Variants in ATP6V1D observed in about 807,000 individuals in gnomAD.
ATP6V1D encodes the protein ATPase H+ transporting V1 subunit D.
ATP6V1D carries 20 observed loss-of-function variants against 39.4 expected under a neutral mutation model. The observed-to-expected ratio is 0.51, with a 90% CI of 0.36 to 0.74. The LOEUF is 0.74. Among genes scored for constraint, ATP6V1D ranks in the 30% least tolerant of loss-of-function variants. The pLI is 0.00. For synonymous variants in ATP6V1D, 100 were observed against 100.5 expected, an observed-to-expected ratio of 0.99 and a Z score of 0.03; for missense variants, 228 against 291.6, an observed-to-expected ratio of 0.78 and a Z score of 1.59.
chr14:67,358,925 T>C (rs1175440447), intron 1 of ATP6V1D, among the ~76,000 whole-genome samples: 1 of 152,110 alleles, frequency 6.6e-6, no homozygotes, highest in South Asian at 2.1e-4. Context: ...TTTGTGGACC[T>C]TCTATGGATT....
intron 7 of ATP6V1D, among the ~76,000 whole-genome samples, chr14:67,341,344 G>A (rs1207127662): frequency 6.6e-6 from 1 of 151,530 alleles, no homozygotes. Flanking sequence ...GAAGTGAGGA[G>A]ACCCTCCACC....
chr14:67,338,388 A>T lies in ATP6V1D; in HGVS notation c.*233T>A, dbSNP rs562469337. On this transcript the variant is annotated 3_prime_UTR_variant, in exon 9 of 9. Transcript: ENST00000216442. ...AAATGGAGTATGATAACGCTTCTGC[A>T]AAGTAAATTCTGTAAGTTCCTGGGC... 914 of 463,008 alleles carry T rather than the reference A, an allele frequency of 2.0e-3. 6 individuals are homozygous for T. Among genetic ancestry groups the T allele is most frequent in the Middle Eastern group, 1.1e-3 (2 of 1,762 alleles). The allele number at this position is 463,008 out of a possible 1,614,324, so 28.7% of individuals were successfully genotyped here.
chr14:67,343,278 T>G, intron 7 of ATP6V1D, 94 bp downstream of exon 7: 1 of 891,408 alleles, frequency 1.1e-6, no homozygotes, highest in Non-Finnish European at 1.7e-6. Context: ...TATTCATCTT[T>G]CAGTCTTCAG....
intron 1 of ATP6V1D, among the ~76,000 whole-genome samples, chr14:67,358,859 A>C (rs1262057652): frequency 6.6e-6 from 1 of 152,238 alleles, no homozygotes; most frequent in African/African-American, 2.4e-5. Context: ...CCCCAAAAGA[A>C]AGGCAGCCCA....
rs757025098 is a variant in ATP6V1D, at chr14:67,345,746, C to T, written c.456+22G>A. 4 of 1,539,930 alleles carry T rather than the reference C, an allele frequency of 2.6e-6. No homozygotes were observed. In the East Asian group the frequency reaches 9.0e-5, roughly 35 times the overall value. ...TGTTACAAATCAAACTACAGGAGTT[C>T]TCCAGGTCTTTTGCTACTTACCTGC... is the stretch of plus-strand genomic sequence containing the variant. On this transcript the variant is annotated intron_variant, in intron 6 of 8. Coordinates refer to ENST00000216442, the MANE Select transcript of ATP6V1D (RefSeq NM_015994.4).
chr14:67,353,373 G>A (rs2085667722), intron 1 of ATP6V1D, among the ~76,000 whole-genome samples: 5 of 152,154 alleles, frequency 3.3e-5, no homozygotes, highest in Admixed American at 3.3e-4. Flanking sequence ...TTTTAAATGT[G>A]AGTTCATCTG....
intron 2 of ATP6V1D, 114 bp downstream of exon 2, chr14:67,352,809 T>C: frequency 1.4e-6 from 1 of 704,624 alleles, no homozygotes. Flanking sequence ...ATAATGGTAT[T>C]TTTACTTTTG....
At chr14:67,344,473 T>G (rs945196890) in intron 6 of ATP6V1D, among the ~76,000 whole-genome samples, 2 of 152,160 alleles carry the variant, frequency 1.3e-5, no homozygotes, top group Non-Finnish European at 2.9e-5. Context: ...ATTAATAACC[T>G]AGATATATAC....
chr14:67,347,571 G>C (rs555821502), intron 4 of ATP6V1D, 118 bp from the exon 5 acceptor site: 2 of 803,630 alleles, frequency 2.5e-6, no homozygotes, highest in African/African-American at 3.7e-5. Flanking sequence ...GCGTGATCTC[G>C]CCTCACCGCA....
At chr14:67,352,871 C>A in intron 2 of ATP6V1D, 52 bp downstream of exon 2, 4 of 1,222,936 alleles carry the variant, frequency 3.3e-6, no homozygotes, top group Non-Finnish European at 3.5e-6. Flanking sequence ...ATGCCAAGGG[C>A]CATGCTGGAT....
chr14:67,342,227 A>AT (rs1253569914), intron 7 of ATP6V1D, among the ~76,000 whole-genome samples: 2 of 150,640 alleles, frequency 1.3e-5, no homozygotes, highest in Non-Finnish European at 2.9e-5. Context: ...ATAAAATAAA[A>AT]AAAAACACAA....
chr14:67,340,357 A>G, intron 8 of ATP6V1D, 83 bp downstream of exon 8: 1 of 1,182,352 alleles, frequency 8.5e-7, no homozygotes, highest in South Asian at 1.2e-5. Flanking sequence ...TCTAAAGAAC[A>G]TAAACCAACA....
chr14:67,354,664 T>C (rs910233443), intron 1 of ATP6V1D, among the ~76,000 whole-genome samples: 1 of 152,202 alleles, frequency 6.6e-6, no homozygotes, highest in South Asian at 2.1e-4. Flanking sequence ...GTCTTATTTA[T>C]GCAAAGTAAG....
chr14:67,345,149 G>A (rs1259214790), intron 6 of ATP6V1D, among the ~76,000 whole-genome samples: 1 of 151,980 alleles, frequency 6.6e-6, no homozygotes. Context: ...GGCTGAGGTG[G>A]GCGGATCACT....
At chr14:67,349,319 A>C (rs1246701947) in intron 3 of ATP6V1D, among the ~76,000 whole-genome samples, 3 of 152,260 alleles carry the variant, frequency 2.0e-5, no homozygotes, top group Non-Finnish European at 2.9e-5. Context: ...AAACATTAGC[A>C]GTAAGAAAAG....
intron 7 of ATP6V1D, among the ~76,000 whole-genome samples, chr14:67,340,820 C>T (rs930959482): frequency 6.6e-6 from 1 of 152,132 alleles, no homozygotes. Context: ...ATTGCAGGCG[C>T]GTGCCGCCAC....
chr14:67,355,586 C>T (rs1399705684), intron 1 of ATP6V1D, among the ~76,000 whole-genome samples: 3 of 150,742 alleles, frequency 2.0e-5, no homozygotes, highest in Non-Finnish European at 4.4e-5. Flanking sequence ...ATTGGGTGAT[C>T]AGGAACAGCC....
rs777189765 is a variant in ATP6V1D at position 67,340,537 on chromosome 14, T to A, written c.524-19A>T. The A allele has an allele frequency of 2.5e-5, 37 of 1,503,574 alleles. No homozygotes were observed. The East Asian group carries it at 3.0e-4, about 12-fold the overall frequency. 93.1% of individuals were successfully genotyped at this position (1,503,574 alleles called of 1,614,324 possible). A position where few individuals can be genotyped will look rare whatever the true frequency, so the allele number is the denominator to read the frequency against. On this transcript the variant is annotated intron_variant, in intron 7 of 8. Coordinates refer to ENST00000216442, the MANE Select transcript of ATP6V1D (RefSeq NM_015994.4). ...ATGATGACTAGAATAAAAAAAAAAA[T>A]AATATGTGTGAGAACTTCAAACCCC... is the stretch of plus-strand genomic sequence containing the variant.
chr14:67,354,372 T>C (rs1324023350), intron 1 of ATP6V1D, among the ~76,000 whole-genome samples: 2 of 152,214 alleles, frequency 1.3e-5, no homozygotes, highest in South Asian at 2.1e-4. Context: ...ACTGGAGGTA[T>C]ATTAAGGATT....
Sources: allele counts gnomAD v4.1 joint callset (sites outside exome capture counted in the v4.1 genomes callset), GRCh38; gene constraint gnomAD v4.1.1; transcripts MANE v1.5; gene names NCBI Gene and HGNC (gene_info 2026-07-23, HGNC 2026-07-21).